The following NUP210L variants were observed in gnomAD, a reference collection of about 807,000 sequenced individuals.
The protein encoded by NUP210L is nucleoporin 210 like.
In NUP210L, 74 loss-of-function variants were observed where a neutral mutation model predicts 208.5. That is an observed-to-expected ratio of 0.35 (90% confidence interval 0.29 to 0.43). The LOEUF is 0.43. NUP210L is among the 20% of genes least tolerant of loss of function. The pLI is 1.00. For missense variants in NUP210L, 1,843 were observed against 2,289.4 expected, an observed-to-expected ratio of 0.81 and a Z score of 3.98; for synonymous variants, 780 against 816.9, an observed-to-expected ratio of 0.95 and a Z score of 0.77.
rs376054823 is a variant in NUP210L, at chr1:154,062,313, T to A, written c.2555-639A>T. ...TGTAATTTTTTGTCCAATTTACAAATGGAAGTGAGAAAGGGATAGTCCTTT... is the reference window on the plus strand; with the variant it reads ...TGTAATTTTTTGTCCAATTTACAAAAGGAAGTGAGAAAGGGATAGTCCTTT... On this transcript the variant is annotated intron_variant, in intron 17 of 39. Coordinates refer to ENST00000368559, the Ensembl canonical transcript of NUP210L. 4.6e-5 allele frequency among the ~76,000 whole-genome samples: 7 copies of A among 152,286 alleles called. No homozygotes were observed. In the East Asian group the frequency reaches 1.3e-3, roughly 29 times the overall value.
chr1:154,096,984 G>T (rs1656210405), intron 14 of NUP210L, among the ~76,000 whole-genome samples: 1 of 152,128 alleles, frequency 6.6e-6, no homozygotes, highest in Non-Finnish European at 1.5e-5. Flanking sequence ...GGGAGGCTGA[G>T]GCACAAGAAT....
At chr1:154,089,102 T>C (rs1038592527) in intron 16 of NUP210L, among the ~76,000 whole-genome samples, 1 of 152,192 alleles carries the variant, frequency 6.6e-6, no homozygotes, top group Non-Finnish European at 1.5e-5. Context: ...TACTTAAGTA[T>C]AGTAAACAAG....
rs777953939 is a variant in NUP210L at position 154,022,222 on chromosome 1, T to C, written c.4420A>G (p.Ile1474Val). The C allele has an allele frequency of 6.2e-7, 1 of 1,614,138 alleles. No homozygotes were observed. Among genetic ancestry groups the C allele is most frequent in the Non-Finnish European group, 8.5e-7 (1 of 1,180,028 alleles). Residue 1474 changes from isoleucine (I) to valine (V), a missense_variant, in exon 32 of 40, where the codon ATT becomes GTT. This residue lies in a region of NUP210L where 781 missense variants were observed against 973.8 expected (regional missense o/e 0.80). Coordinates refer to ENST00000368559, the Ensembl canonical transcript of NUP210L. Reference sequence around the variant, plus strand: ...ATGGCATGCTCTACAGCAACAGGAATATAATCTGCCATGCCTGGATGTCTC... The same window carrying C: ...ATGGCATGCTCTACAGCAACAGGAACATAATCTGCCATGCCTGGATGTCTC...
chr1:154,056,836 T>A, exon 23 of NUP210L: 1 of 1,590,206 alleles, frequency 6.3e-7, no homozygotes, highest in African/African-American at 1.4e-5. Context: ...GAGGAGTTGA[T>A]GTGTATTTTC....
intron 31 of NUP210L, 126 bp from the exon 32 acceptor site, chr1:154,022,469 G>T: frequency 1.4e-6 from 1 of 728,010 alleles, no homozygotes; most frequent in Non-Finnish European, 2.3e-6. Flanking sequence ...CCACAATAAA[G>T]AGTAAGTAAG....
At chr1:154,111,025 C>A (rs1180317483) in intron 12 of NUP210L, among the ~76,000 whole-genome samples, 1 of 148,028 alleles carries the variant, frequency 6.8e-6, no homozygotes, top group Non-Finnish European at 1.5e-5. Flanking sequence ...AAAAGATAAA[C>A]AAAATCGACA....
exon 40 of NUP210L, chr1:153,992,734 C>G (rs1649531841): frequency 1.3e-6 from 1 of 747,706 alleles, no homozygotes; most frequent in Non-Finnish European, 2.3e-6. Flanking sequence ...TTCTCAGAAG[C>G]CTTATCTGGA....
rs780114638 is a variant in NUP210L at position 154,027,467 on chromosome 1, C to T, written c.3947+39G>A. On this transcript the variant is annotated intron_variant, in intron 29 of 39. Transcript: ENST00000368559. Reference sequence around the variant, plus strand: ...CAATGTTTTACTGAAAATACTTAAGCTTAGATCCTGGCACTTCCTTATTCT... The same window carrying T: ...CAATGTTTTACTGAAAATACTTAAGTTTAGATCCTGGCACTTCCTTATTCT... 21 of 1,379,682 alleles carry T rather than the reference C, an allele frequency of 1.5e-5. No homozygotes were observed. In the South Asian group the frequency reaches 2.5e-4, roughly 17 times the overall value. The allele number at this position is 1,379,682 out of a possible 1,614,324, so 85.5% of individuals were successfully genotyped here.
intron 32 of NUP210L, among the ~76,000 whole-genome samples, chr1:154,020,510 G>C (rs1179400792): frequency 6.6e-6 from 1 of 151,754 alleles, no homozygotes; most frequent in Admixed American, 6.6e-5. Flanking sequence ...CCACTACACC[G>C]GGATAATTTA....
At chr1:154,119,964 G>A (rs1462335776) in intron 10 of NUP210L, among the ~76,000 whole-genome samples, 3 of 152,164 alleles carry the variant, frequency 2.0e-5, no homozygotes, top group East Asian at 1.9e-4. Flanking sequence ...TTGAGGAATC[G>A]CCACGCTGAC....
chr1:154,112,949 G>A (rs1420254083), intron 12 of NUP210L, among the ~76,000 whole-genome samples: 1 of 151,634 alleles, frequency 6.6e-6, no homozygotes, highest in Admixed American at 6.6e-5. Context: ...CTGAGGTCAG[G>A]AGTTTGAGGC....
chr1:154,014,756 C>T (rs1208919925), intron 33 of NUP210L, among the ~76,000 whole-genome samples: 4 of 152,164 alleles, frequency 2.6e-5, no homozygotes, highest in Non-Finnish European at 5.9e-5. Context: ...GTAATCCCAG[C>T]GCTTTGGGAG....
At chr1:154,060,390 C>G (rs1654072846) in intron 20 of NUP210L, 150 bp downstream of exon 20, 3 of 533,436 alleles carry the variant, frequency 5.6e-6, no homozygotes, top group Admixed American at 3.6e-5. Context: ...AAAAGCACTC[C>G]CTTTTGGTTG....
At chr1:153,998,655 C>T (rs1240553830) in intron 37 of NUP210L, among the ~76,000 whole-genome samples, 1 of 147,926 alleles carries the variant, frequency 6.8e-6, no homozygotes, top group Non-Finnish European at 1.5e-5. Context: ...GATCCGTGGT[C>T]TCTAGATTTA....
intron 13 of NUP210L, among the ~76,000 whole-genome samples, chr1:154,102,567 C>A (rs1656523383): frequency 6.6e-6 from 1 of 151,976 alleles, no homozygotes; most frequent in East Asian, 1.9e-4. Context: ...AGCAAAAGTC[C>A]AATTTGATAC....
At chr1:154,010,234 T>C in intron 34 of NUP210L, 113 bp from the exon 35 acceptor site, 1 of 955,132 alleles carries the variant, frequency 1.0e-6, no homozygotes, top group Non-Finnish European at 1.6e-6. Flanking sequence ...AGAAAGAGGG[T>C]CAGTTATGGC....
chr1:154,001,740 G>T, exon 36 of NUP210L: 6 of 1,614,038 alleles, frequency 3.7e-6, no homozygotes, highest in Non-Finnish European at 5.1e-6. Flanking sequence ...CATACCTCTA[G>T]CTTCCTAAGA....
intron 37 of NUP210L, among the ~76,000 whole-genome samples, chr1:153,998,553 CAAAA>C (rs566361453): frequency 1.3e-4 from 7 of 53,786 alleles, no homozygotes; most frequent in East Asian, 1.1e-3. Context: ...GGTTCTGTCT[CAAAA>C]AAAAAAAAAA....
intron 25 of NUP210L, among the ~76,000 whole-genome samples, chr1:154,049,641 C>T (rs1399405407): frequency 6.6e-6 from 1 of 152,134 alleles, no homozygotes; most frequent in Non-Finnish European, 1.5e-5. Flanking sequence ...CCTTGGAATT[C>T]TCCAGTCTTT....
Sources: gnomAD v4.1 joint callset for allele counts (sites outside exome capture counted in the v4.1 genomes callset) on GRCh38, gnomAD v4.1.1 for gene constraint, gnomAD v4.1.1 regional missense constraint, MANE v1.5 for transcripts, NCBI Gene and HGNC (gene_info 2026-07-23, HGNC 2026-07-21) for gene names.